STX16: variants seen among roughly 807,000 people sequenced by gnomAD.
STX16 encodes the protein syntaxin-16.
Under a neutral mutation model 42.7 loss-of-function variants are expected in STX16, and 28 were observed. The ratio of observed to expected loss-of-function variants is 0.66; its 90% CI spans 0.49 to 0.90. The LOEUF (loss-of-function observed/expected upper bound fraction) is 0.90, where lower values mean the gene tolerates loss of function less well. STX16 is among the 40% of genes least tolerant of loss of function. The pLI, the probability that STX16 is intolerant of heterozygous loss-of-function variation, is 0.00. For missense variants in STX16, 361 were observed against 420.9 expected (o/e 0.86, Z 1.24); for synonymous variants, 156 against 155.2 (o/e 1.00, Z -0.04).
intron 2 of STX16, among the ~76,000 whole-genome samples, chr20:58,662,288 G>A (rs1487715111): frequency 6.6e-6 from 1 of 152,238 alleles, no homozygotes. Context: ...AATAGGGAGC[G>A]GCGCTCCTCT....
In STX16 at chr20:58,676,286, C is replaced by G. The variant is rs543224760; in HGVS notation, c.973C>G (p.Arg325Gly). The G allele has an allele frequency of 6.2e-7, 1 of 1,613,966 alleles. No individual in the cohort carries two copies. The highest frequency in any genetic ancestry group is 8.5e-7 in the Non-Finnish European group (1 of 1,179,840). Residue 325 changes from arginine (R) to glycine (G), a missense_variant, in exon 9 of 9, where the codon CGA (arginine) becomes GGA (glycine). By Grantham distance (125) the Arg-to-Gly change is moderately radical. Coordinates refer to ENST00000371141, the MANE Select transcript of STX16 (RefSeq NM_001001433.3). ...TGTTGTCCTCGTTGGCGTGAAGTCT[C>G]GATAAGTGGCATTGGGTTTTCGTGT... Reference protein sequence around the residue: ...LIVVLVGVKSR With the variant: ...LIVVLVGVKSG
In STX16 at chr20:58,669,339, C is replaced by G; in HGVS notation, c.442C>G (p.Arg148Gly). 1 of 1,611,926 alleles carries G rather than the reference C, an allele frequency of 6.2e-7. No individual in the cohort carries two copies. Among genetic ancestry groups the G allele is most frequent in the East Asian group, 2.2e-5 (1 of 44,816 alleles). Residue 148 changes from arginine (R) to glycine (G), a missense_variant, in exon 5 of 9, where the codon CGG becomes GGG. Physicochemically the swap from Arg to Gly is moderately radical, Grantham distance 125 (BLOSUM62 -2). Transcript: ENST00000371141. ...CGTGCAGGCCCTGCCGAGCCGGGCC[C>G]GGGCCTGCTCCGAGCAGGAGGGGCG... Reference protein sequence around the residue: ...RAVQALPSRARACSEQEGRLL... With the variant: ...RAVQALPSRAGACSEQEGRLL...
intron 8 of STX16, among the ~76,000 whole-genome samples, chr20:58,674,207 TG>T (rs2084048795): frequency 1.3e-5 from 2 of 152,180 alleles, no homozygotes; most frequent in South Asian, 4.1e-4. Flanking sequence ...TGTATTACCT[TG>T]AGAAAAGAGA....
At chr20:58,663,704 C>T (rs2083753315) in intron 2 of STX16, among the ~76,000 whole-genome samples, 1 of 151,868 alleles carries the variant, frequency 6.6e-6, no homozygotes, top group African/African-American at 2.4e-5. Flanking sequence ...GATGGAGTCT[C>T]GCTCTGTCTT....
chr20:58,661,884 A>G (rs2083709072), intron 2 of STX16, among the ~76,000 whole-genome samples: 1 of 152,232 alleles, frequency 6.6e-6, no homozygotes, highest in Admixed American at 6.5e-5. Flanking sequence ...CCCTGAGTGA[A>G]TATCACTTGC....
At position 58,676,464 on chromosome 20, in the gene STX16, C is replaced by T. The variant is rs765639298; in HGVS notation, c.*173C>T. 5 of 591,518 alleles carry T rather than the reference C, an allele frequency of 8.5e-6. No individual in the cohort carries two copies. The highest frequency in any genetic ancestry group is 2.9e-5 in the East Asian group (1 of 34,536). The allele number at this position is 591,518 out of a possible 1,614,324, so 36.6% of individuals were successfully genotyped here. On this transcript the variant is annotated 3_prime_UTR_variant, in exon 9 of 9. Transcript: ENST00000371141. Reference sequence around the variant, plus strand: ...CTTCCCTAGTCCTGCTCAAGCGGTCCGGGGAATGGGTTTTTGTTTTTCCTT... The same window carrying T: ...CTTCCCTAGTCCTGCTCAAGCGGTCTGGGGAATGGGTTTTTGTTTTTCCTT...
At chr20:58,663,578 A>G (rs1444715886) in intron 2 of STX16, among the ~76,000 whole-genome samples, 1 of 152,212 alleles carries the variant, frequency 6.6e-6, no homozygotes, top group Non-Finnish European at 1.5e-5. Flanking sequence ...GAGAGGAACT[A>G]CATATCAAAG....
chr20:58,652,375 C>G (rs996585341), intron 1 of STX16: 5 of 600,028 alleles, frequency 8.3e-6, no homozygotes, highest in African/African-American at 5.6e-5. Context: ...CGCAGCACCC[C>G]CCCCCCCGCA....
intron 1 of STX16, among the ~76,000 whole-genome samples, chr20:58,652,894 G>T (rs1384463674): frequency 6.6e-6 from 1 of 151,738 alleles, no homozygotes; most frequent in Non-Finnish European, 1.5e-5. Context: ...ACAACCTTTA[G>T]TTAGCCTAGC....
At position 58,671,426 on chromosome 20, in the gene STX16, ATGTGTGTGTGGGTGTGTGTG is replaced by A. The variant is rs1488167013; in HGVS notation, c.792+140_792+159del. On this transcript the variant is annotated intron_variant, in intron 7 of 8. Transcript: ENST00000371141. ...CAACATGTGTGTGCACCTGTCCTTT[ATGTGTGTGTGGGTGTGTGTG>A]TGTGTGTGTGTGTGTGTGTGTGTGT... 3.6e-5 allele frequency: 17 copies of A among 476,820 alleles called. No homozygotes were observed. The African/African-American group carries it at 4.7e-4, about 13-fold the overall frequency. 29.5% of individuals were successfully genotyped at this position (476,820 alleles called of 1,614,324 possible). A position where few individuals can be genotyped will look rare whatever the true frequency, so the allele number is the denominator to read the frequency against.
chr20:58,652,452 G>T (rs930954272), intron 1 of STX16: 40 of 412,408 alleles, frequency 9.7e-5, no homozygotes, highest in African/African-American at 8.7e-4. Context: ...CGCTAACATT[G>T]GGAAGCATTG....
At position 58,669,374 on chromosome 20, in the gene STX16, G is replaced by A. The variant is rs903165782; in HGVS notation, c.477G>A (p.Gly159=). The A allele has an allele frequency of 3.1e-6, 5 of 1,611,648 alleles. No individual in the cohort carries two copies. Among genetic ancestry groups the A allele is most frequent in the East Asian group, 2.2e-5 (1 of 44,824 alleles). Reference sequence around the variant, plus strand: ...CCGAGCAGGAGGGGCGGCTGCTTGGGAACGTGGTGGCCTCGCTGGCGCAGG... The same window carrying A: ...CCGAGCAGGAGGGGCGGCTGCTTGGAAACGTGGTGGCCTCGCTGGCGCAGG... The part of the protein sequence containing the change: ...ACSEQEGRLL[G]NVVASLAQAL... Residue 159 remains glycine (G), a synonymous_variant, in exon 5 of 9, where the codon GGG becomes GGA. Transcript: ENST00000371141.
intron 2 of STX16, among the ~76,000 whole-genome samples, chr20:58,664,465 A>G (rs1272856731): frequency 6.6e-6 from 1 of 152,238 alleles, no homozygotes; most frequent in Admixed American, 6.5e-5. Context: ...CAGCTGTTCT[A>G]TCTTACTGGC....
intron 1 of STX16, chr20:58,652,411 ACAGGCCGC>A: frequency 2.0e-6 from 1 of 506,442 alleles, no homozygotes; most frequent in South Asian, 1.6e-5. Context: ...TCACTGCGCT[ACAGGCCGC>A]CTGTAATTTA....
chr20:58,654,477 T>C (rs1343693340), intron 1 of STX16, among the ~76,000 whole-genome samples: 1 of 152,212 alleles, frequency 6.6e-6, no homozygotes, highest in Non-Finnish European at 1.5e-5. Flanking sequence ...GGCGAAATGC[T>C]AACAAGACTA....
In STX16 at chr20:58,651,928, G is replaced by A; in HGVS notation, c.-79G>A. The A allele has an allele frequency of 1.3e-6, 2 of 1,499,862 alleles. No homozygotes were observed. Among genetic ancestry groups the A allele is most frequent in the South Asian group, 2.4e-5 (2 of 84,932 alleles). 92.9% of individuals were successfully genotyped at this position (1,499,862 alleles called of 1,614,324 possible). A position where few individuals can be genotyped will look rare whatever the true frequency, so the allele number is the denominator to read the frequency against. On this transcript the variant is annotated 5_prime_UTR_variant, in exon 1 of 9. Coordinates refer to ENST00000371141, the MANE Select transcript of STX16 (RefSeq NM_001001433.3). ...TTCCGTGAAAGGGTGGGCCAGCCGG[G>A]CCACGAGAAAGAAAGTGAATAAATC... is the stretch of plus-strand genomic sequence containing the variant.
At chr20:58,669,027 G>A (rs577618121) in intron 4 of STX16, among the ~76,000 whole-genome samples, 1 of 152,096 alleles carries the variant, frequency 6.6e-6, no homozygotes. Flanking sequence ...CAAGCATTTC[G>A]GATGAGGGAT....
rs913908306 is a variant in STX16, at chr20:58,679,452, T to C, written c.*3161T>C. 10 of 152,122 alleles carry C rather than the reference T, an allele frequency of 6.6e-5. No homozygotes were observed. Among genetic ancestry groups the C allele is most frequent in the African/African-American group, 2.4e-4 (10 of 41,426 alleles). 9.4% of individuals were successfully genotyped at this position (152,122 alleles called of 1,614,324 possible). A position where few individuals can be genotyped will look rare whatever the true frequency, so the allele number is the denominator to read the frequency against. On this transcript the variant is annotated 3_prime_UTR_variant, in exon 9 of 9. Transcript: ENST00000371141. ...GTCCTTTTTTAAAACCAATTTACTG[T>C]TACTGGAAACTTTTTGTACAATAAA...
chr20:58,673,626 C>T lies in STX16; in HGVS notation c.793-5C>T. 2 of 1,603,680 alleles carry T rather than the reference C, an allele frequency of 1.2e-6. No homozygotes were observed. The highest frequency in any genetic ancestry group is 1.3e-5 in the African/African-American group (1 of 74,776). On this transcript the variant is annotated splice_polypyrimidine_tract_variant and splice_region_variant and intron_variant, in intron 7 of 8. Coordinates refer to ENST00000371141, the MANE Select transcript of STX16 (RefSeq NM_001001433.3). Reference sequence around the variant, plus strand: ...GATTGTCTGTAACTGTCATTTATTACCTAGGGTACAGTCCTTGACAGAATT... The same window carrying T: ...GATTGTCTGTAACTGTCATTTATTATCTAGGGTACAGTCCTTGACAGAATT...
Sources: gnomAD v4.1 joint callset for allele counts (sites outside exome capture counted in the v4.1 genomes callset) on GRCh38, gnomAD v4.1.1 for gene constraint, MANE v1.5 for transcripts, NCBI Gene and HGNC (gene_info 2026-07-23, HGNC 2026-07-21) for gene names.